Variants in SOS2 observed in about 807,000 individuals in gnomAD.
SOS2 encodes son of sevenless homolog 2.
A neutral mutation model predicts 148.2 loss-of-function variants in SOS2; 65 were observed. That is an observed-to-expected ratio of 0.44 (90% confidence interval 0.36 to 0.54). The LOEUF (loss-of-function observed/expected upper bound fraction) is 0.54. Ranked by LOEUF, SOS2 falls within the 20% of genes least tolerant of loss-of-function variation. SOS2 has a pLI of 0.00. For missense variants in SOS2, 1,341 were observed against 1,590.2 expected, an observed-to-expected ratio of 0.84 and a Z score of 2.67; for synonymous variants, 539 against 537.1, an observed-to-expected ratio of 1.00 and a Z score of -0.05.
At chr14:50,203,198 T>A (rs750829264) in intron 2 of SOS2, among the ~76,000 whole-genome samples, 4 of 151,916 alleles carry the variant, frequency 2.6e-5, no homozygotes, top group African/African-American at 9.7e-5. Context: ...CAGTATAGTA[T>A]AAAAGTAATT....
intron 4 of SOS2, among the ~76,000 whole-genome samples, chr14:50,193,867 C>G (rs1381149769): frequency 6.6e-6 from 1 of 151,990 alleles, no homozygotes; most frequent in Non-Finnish European, 1.5e-5. Flanking sequence ...GCCTCAGCCT[C>G]CTGAGTAGCT....
chr14:50,191,241 G>A (rs1367083413), intron 4 of SOS2, among the ~76,000 whole-genome samples: 3 of 152,072 alleles, frequency 2.0e-5, no homozygotes, highest in Admixed American at 6.6e-5. Flanking sequence ...GAGGCAGGAG[G>A]ATCACTTGAG....
intron 12 of SOS2, 147 bp downstream of exon 12, chr14:50,156,852 G>A (rs911441974): frequency 7.2e-6 from 3 of 415,096 alleles, no homozygotes. Context: ...TAACTTAACT[G>A]CTGTGAAGTT....
chr14:50,120,397 A>C lies in SOS2; in HGVS notation c.3380-13T>G. The stretch of plus-strand genomic sequence containing the variant: ...CTAAAGAAAGACTCTGGGGGAGAAA[A>C]AGACTAGTTTAACCACAATTCACAG... On this transcript the variant is annotated splice_polypyrimidine_tract_variant and intron_variant, in intron 21 of 22. Coordinates refer to ENST00000216373, the MANE Select transcript of SOS2 (RefSeq NM_006939.4). 1 of 1,272,650 alleles carries C rather than the reference A, an allele frequency of 7.9e-7. No homozygotes were observed. Among genetic ancestry groups the C allele is most frequent in the Non-Finnish European group, 1.1e-6 (1 of 875,648 alleles). 78.8% of individuals were successfully genotyped at this position (1,272,650 alleles called of 1,614,324 possible). A position where few individuals can be genotyped will look rare whatever the true frequency, so the allele number is the denominator to read the frequency against.
intron 16 of SOS2, among the ~76,000 whole-genome samples, chr14:50,142,794 T>G (rs529319879): frequency 6.6e-6 from 1 of 152,352 alleles, no homozygotes; most frequent in East Asian, 1.9e-4. Flanking sequence ...ACATATAACT[T>G]TATACTCTGG....
chr14:50,139,065 T>G (rs1411936820), intron 17 of SOS2, among the ~76,000 whole-genome samples: 2 of 152,150 alleles, frequency 1.3e-5, no homozygotes, highest in African/African-American at 4.8e-5. Flanking sequence ...TTTTCTAAAC[T>G]CTAATTTCAC....
At chr14:50,145,988 C>T (rs1242773821) in intron 14 of SOS2, among the ~76,000 whole-genome samples, 1 of 151,840 alleles carries the variant, frequency 6.6e-6, no homozygotes, top group Non-Finnish European at 1.5e-5. Context: ...ACAAAATTAG[C>T]CGGGCATGGT....
chr14:50,140,089 T>C (rs748121806), intron 16 of SOS2, 30 bp from the exon 17 acceptor site: 39 of 1,044,868 alleles, frequency 3.7e-5, no homozygotes, highest in Non-Finnish European at 5.5e-5. Context: ...GAGTATAAAT[T>C]TTTTACAATT....
rs539033819 is a variant in SOS2 at position 50,160,701 on chromosome 14, T to C, written c.1197-615A>G. 5.3e-5 allele frequency among the ~76,000 whole-genome samples: 8 copies of C among 152,246 alleles called. No individual in the cohort carries two copies. The East Asian group carries it at 1.5e-3, about 29-fold the overall frequency. ...CGTGCCCAGCCAACAATGCTAATCT[T>C]AAGACTAGGCTGGGTTGGCCAGGTG... is the stretch of plus-strand genomic sequence containing the variant. On this transcript the variant is annotated intron_variant, in intron 9 of 22. Transcript: ENST00000216373.
chr14:50,178,111 A>C (rs1191717351), intron 7 of SOS2, among the ~76,000 whole-genome samples: 1 of 152,218 alleles, frequency 6.6e-6, no homozygotes, highest in African/African-American at 2.4e-5. Flanking sequence ...ATGTAGTATC[A>C]CAGGAGCTGA....
intron 1 of SOS2, among the ~76,000 whole-genome samples, chr14:50,219,974 C>T (rs1213577444): frequency 6.6e-6 from 1 of 151,932 alleles, no homozygotes; most frequent in Non-Finnish European, 1.5e-5. Context: ...TCCACCTCAG[C>T]CTCCCTTGTG....
chr14:50,131,140 A>G (rs1305203921), intron 19 of SOS2, among the ~76,000 whole-genome samples: 2 of 149,908 alleles, frequency 1.3e-5, no homozygotes, highest in Non-Finnish European at 3.0e-5. Flanking sequence ...TATGCTTCAG[A>G]AAAAAAAAAG....
At chr14:50,191,185 C>T (rs766793606) in intron 4 of SOS2, among the ~76,000 whole-genome samples, 6 of 152,014 alleles carry the variant, frequency 3.9e-5, no homozygotes, top group Non-Finnish European at 5.9e-5. Context: ...ACTCTCAGGG[C>T]GAGGCATGGT....
At chr14:50,172,037 T>C (rs1885383219) in intron 8 of SOS2, among the ~76,000 whole-genome samples, 1 of 152,198 alleles carries the variant, frequency 6.6e-6, no homozygotes, top group Non-Finnish European at 1.5e-5. Flanking sequence ...TAAAAGGTAA[T>C]GCCAAGCAGT....
intron 2 of SOS2, 124 bp from the exon 3 acceptor site, chr14:50,201,208 G>A (rs1392282931): frequency 2.3e-6 from 2 of 882,122 alleles, no homozygotes; most frequent in Non-Finnish European, 3.4e-6. Flanking sequence ...AATACATTCT[G>A]ATTCCTGTAA....
In SOS2 at chr14:50,229,038, A is replaced by G. The variant is rs114874860; in HGVS notation, c.87+2159T>C. On this transcript the variant is annotated intron_variant, in intron 1 of 22. Transcript: ENST00000216373. The stretch of plus-strand genomic sequence containing the variant: ...GAATGTGAAGACAGAGACTCCCCCA[A>G]AATGGTAGAAATTCTCATTTTACAA... Among the ~76,000 whole-genome samples the G allele has an allele frequency of 3.4e-3, 510 of 152,232 alleles. 4 individuals are homozygous for G. Among genetic ancestry groups the G allele is most frequent in the African/African-American group, 0.012 (482 of 41,522 alleles).
intron 5 of SOS2, among the ~76,000 whole-genome samples, chr14:50,187,251 ATCC>A (rs1213408099): frequency 1.3e-5 from 2 of 151,884 alleles, no homozygotes; most frequent in Non-Finnish European, 2.9e-5. Flanking sequence ...GCCTCAAGCA[ATCC>A]TCCTGTCTCA....
At chr14:50,145,672 G>A (rs1594970253) in intron 14 of SOS2, 76 bp from the exon 15 acceptor site, 2 of 991,278 alleles carry the variant, frequency 2.0e-6, no homozygotes, top group Admixed American at 2.6e-5. Context: ...AACTTAATAA[G>A]AAAAAGACAA....
chr14:50,200,806 ATG>A, intron 3 of SOS2, 145 bp downstream of exon 3: 1 of 611,882 alleles, frequency 1.6e-6, no homozygotes. Context: ...ATATTAATAT[ATG>A]CGATGTGTAT....
Sources: allele counts gnomAD v4.1 joint callset (sites outside exome capture counted in the v4.1 genomes callset), GRCh38; gene constraint gnomAD v4.1.1; transcripts MANE v1.5; gene names NCBI Gene and HGNC (gene_info 2026-07-23, HGNC 2026-07-21).